Variants in DPP10 observed in about 807,000 individuals in gnomAD.
DPP10 encodes inactive dipeptidyl peptidase 10.
A neutral mutation model predicts 120.9 loss-of-function variants in DPP10; 33 were observed. That is an observed-to-expected ratio of 0.27 (90% CI 0.21 to 0.37). The LOEUF (loss-of-function observed/expected upper bound fraction) is 0.37. Among genes scored for constraint, DPP10 ranks in the 10% least tolerant of loss-of-function variants. The probability of loss-of-function intolerance (pLI) is 1.00; values close to 1 mark genes in which losing one functional copy is unlikely to be tolerated. For synonymous variants in DPP10, 337 were observed against 326.1 expected (o/e 1.03, Z -0.36); for missense variants, 816 against 942.8 (o/e 0.87, Z 1.76).
At chr2:115,079,044 C>G (rs1345084802) in intron 1 of DPP10, among the ~76,000 whole-genome samples, 2 of 152,060 alleles carry the variant, frequency 1.3e-5, no homozygotes, top group South Asian at 4.1e-4. Flanking sequence ...ACACTTGAGT[C>G]CACGCTTGAG....
intron 1 of DPP10, among the ~76,000 whole-genome samples, chr2:115,240,774 A>G (rs897145823): frequency 3.3e-5 from 5 of 152,112 alleles, no homozygotes; most frequent in Non-Finnish European, 5.9e-5. Flanking sequence ...CTCCTTATAC[A>G]CTCAATTTTC....
intron 1 of DPP10, among the ~76,000 whole-genome samples, chr2:114,958,530 C>T (rs1182027768): frequency 6.6e-6 from 1 of 152,038 alleles, no homozygotes; most frequent in South Asian, 2.1e-4. Context: ...AGATTTTAAA[C>T]GTTTTCACCA....
chr2:114,854,081 G>A (rs1689182148), intron 1 of DPP10, among the ~76,000 whole-genome samples: 2 of 152,182 alleles, frequency 1.3e-5, no homozygotes, highest in Admixed American at 6.5e-5. Flanking sequence ...TGCATCAGTA[G>A]ATGTTTAATA....
chr2:115,391,321 T>A (rs1304217791), intron 3 of DPP10, among the ~76,000 whole-genome samples: 1 of 152,166 alleles, frequency 6.6e-6, no homozygotes, highest in Non-Finnish European at 1.5e-5. Flanking sequence ...GGACACTGAT[T>A]GTGTAAGCAG....
chr2:114,530,623 A>G (rs1157217696), intron 1 of DPP10, among the ~76,000 whole-genome samples: 1 of 152,172 alleles, frequency 6.6e-6, no homozygotes, highest in Non-Finnish European at 1.5e-5. Flanking sequence ...CAATAACTCA[A>G]GTACTCAAAT....
In DPP10 at chr2:115,118,482, A is replaced by C. The variant is rs550406315; in HGVS notation, c.61-190757A>C. On this transcript the variant is annotated intron_variant, in intron 1 of 25. Transcript: ENST00000410059. ...AGCAGCAAATGGGTCTGCAGCACTCAATACTTGCCTAACTGGAGGAAAAAA... is the reference window on the plus strand; with the variant it reads ...AGCAGCAAATGGGTCTGCAGCACTCCATACTTGCCTAACTGGAGGAAAAAA... 1.3e-3 allele frequency among the ~76,000 whole-genome samples: 205 copies of C among 152,328 alleles called. 2 individuals carry two copies. Among genetic ancestry groups the C allele is most frequent in the African/African-American group, 4.6e-3 (193 of 41,570 alleles).
intron 7 of DPP10, among the ~76,000 whole-genome samples, chr2:115,714,289 C>T (rs895223650): frequency 2.0e-5 from 3 of 152,138 alleles, no homozygotes; most frequent in Non-Finnish European, 4.4e-5. Flanking sequence ...TGTTGCTATC[C>T]TGTTCACTTA....
rs755088295 is a variant in DPP10 at position 114,863,927 on chromosome 2, T to C, written c.60+421089T>C. Among the ~76,000 whole-genome samples, 130 of 152,160 alleles carry C rather than the reference T, an allele frequency of 8.5e-4. 1 individual carries two copies. The highest frequency in any genetic ancestry group is 3.7e-4 in the Non-Finnish European group (25 of 68,038). On this transcript the variant is annotated intron_variant, in intron 1 of 25. Transcript: ENST00000410059. The stretch of plus-strand genomic sequence containing the variant: ...AAGCCTCCAAGTCGAGCCTGTGTCA[T>C]GCAACTGGCTGCTAACATGTCTTCT...
intron 14 of DPP10, 95 bp from the exon 15 acceptor site, chr2:115,777,692 T>G: frequency 7.7e-7 from 1 of 1,298,110 alleles, no homozygotes; most frequent in African/African-American, 1.5e-5. Context: ...AGATTCAATG[T>G]GAATTCAGGA....
chr2:114,820,428 T>A lies in DPP10; in HGVS notation c.60+377590T>A, dbSNP rs78972575. ...CACTTCCTACTCAACAGGTCTTTGA[T>A]TTTTGAAAGTAGTAAGTGTATCTAT... On this transcript the variant is annotated intron_variant, in intron 1 of 25. Transcript: ENST00000410059. Among the ~76,000 whole-genome samples the A allele has an allele frequency of 7.1e-3, 1,086 of 152,324 alleles. 17 individuals are homozygous for A. The highest frequency in any genetic ancestry group is 0.025 in the African/African-American group (1,051 of 41,574).
chr2:114,783,468 A>G (rs1370825093), intron 1 of DPP10, among the ~76,000 whole-genome samples: 2 of 152,194 alleles, frequency 1.3e-5, no homozygotes, highest in Non-Finnish European at 2.9e-5. Context: ...TCATAGAGAC[A>G]GGAAACAGTT....
chr2:114,758,518 A>G (rs1679993714), intron 1 of DPP10, among the ~76,000 whole-genome samples: 1 of 152,226 alleles, frequency 6.6e-6, no homozygotes, highest in Admixed American at 6.5e-5. Flanking sequence ...ATGGTGAATG[A>G]TAAATCAGAG....
At chr2:114,702,218 T>C (rs1700424996) in intron 1 of DPP10, among the ~76,000 whole-genome samples, 1 of 152,174 alleles carries the variant, frequency 6.6e-6, no homozygotes, top group African/African-American at 2.4e-5. Context: ...AGTACAAATA[T>C]ATTGCATGAG....
At chr2:115,144,396 T>G (rs928496754) in intron 1 of DPP10, 1 of 152,136 alleles carries the variant, frequency 6.6e-6, no homozygotes, top group African/African-American at 2.4e-5. Context: ...AAGAAGTCAC[T>G]TAACTCTTTT....
At chr2:114,879,583 C>T (rs933677717) in intron 1 of DPP10, among the ~76,000 whole-genome samples, 1 of 151,878 alleles carries the variant, frequency 6.6e-6, no homozygotes, top group Non-Finnish European at 1.5e-5. Flanking sequence ...GGGAAAGCTG[C>T]AATTGTAATG....
intron 1 of DPP10, among the ~76,000 whole-genome samples, chr2:114,740,942 G>A (rs1307830739): frequency 6.6e-6 from 1 of 152,166 alleles, no homozygotes; most frequent in Non-Finnish European, 1.5e-5. Flanking sequence ...TGTGAAATCT[G>A]TTGAGAGTTC....
In DPP10 at chr2:115,285,268, C is replaced by T. The variant is rs545362424; in HGVS notation, c.61-23971C>T. Among the ~76,000 whole-genome samples the T allele has an allele frequency of 5.3e-5, 8 of 152,100 alleles. No homozygotes were observed. The East Asian group carries it at 1.2e-3, about 22-fold the overall frequency. ...GGCAGCTTTTATTGTGCTTTGTTAT[C>T]TTTAAAATAGCGAATTAACACTTGC... On this transcript the variant is annotated intron_variant, in intron 1 of 25. Transcript: ENST00000410059.
At chr2:115,286,526 A>ATATATATATATTAT in intron 1 of DPP10, among the ~76,000 whole-genome samples, 1 of 60,954 alleles carries the variant, frequency 1.6e-5, no homozygotes, top group South Asian at 5.2e-4. Context: ...ATATATATAT[A>ATATATATATATTAT]ATATATATAT....
chr2:114,755,389 G>A (rs532694526), intron 1 of DPP10, among the ~76,000 whole-genome samples: 50 of 152,276 alleles, frequency 3.3e-4, no homozygotes, highest in African/African-American at 1.2e-3. Context: ...ATCCTCCTGG[G>A]CTCAAGTGAT....
Sources: gnomAD v4.1 joint callset for allele counts (sites outside exome capture counted in the v4.1 genomes callset) on GRCh38, gnomAD v4.1.1 for gene constraint, MANE v1.5 for transcripts, NCBI Gene and HGNC (gene_info 2026-07-23, HGNC 2026-07-21) for gene names.